RIMBP2: variants seen among roughly 807,000 people sequenced by gnomAD.
The protein encoded by RIMBP2 is RIMS binding protein 2.
Under a neutral mutation model 118.6 loss-of-function variants are expected in RIMBP2, and 48 were observed. The observed-to-expected ratio is 0.40, with a 90% CI of 0.32 to 0.51. The LOEUF is 0.51. Ranked by LOEUF, RIMBP2 falls within the 20% of genes least tolerant of loss-of-function variation. The pLI, the probability that RIMBP2 is intolerant of heterozygous loss-of-function variation, is 0.41. For missense variants in RIMBP2, 1,551 were observed against 1,768.3 expected, an observed-to-expected ratio of 0.88 and a Z score of 2.20; for synonymous variants, 762 against 742.9, an observed-to-expected ratio of 1.03 and a Z score of -0.42.
intron 2 of RIMBP2, among the ~76,000 whole-genome samples, chr12:130,527,074 C>T (rs1485359474): frequency 1.3e-5 from 2 of 152,122 alleles, no homozygotes; most frequent in African/African-American, 4.8e-5. Context: ...AGGCCGAGGG[C>T]AGTCAGCTAA....
At chr12:130,407,315 A>C (rs564205904) in intron 20 of RIMBP2, among the ~76,000 whole-genome samples, 24 of 152,278 alleles carry the variant, frequency 1.6e-4, no homozygotes, top group Non-Finnish European at 3.4e-4. Flanking sequence ...CAGGCGACAC[A>C]ACCTCACCTA....
intron 21 of RIMBP2, among the ~76,000 whole-genome samples, chr12:130,403,762 A>G (rs186871335): frequency 2.1e-3 from 323 of 152,350 alleles, no homozygotes; most frequent in Non-Finnish European, 3.7e-3. Flanking sequence ...AGGTATTCCA[A>G]TGAATACAGA....
intron 4 of RIMBP2, among the ~76,000 whole-genome samples, chr12:130,490,865 A>G (rs1440695319): frequency 6.6e-6 from 1 of 152,226 alleles, no homozygotes; most frequent in Admixed American, 6.5e-5. Context: ...GAACTCAGCC[A>G]CACCATAAAA....
chr12:130,519,165 T>G (rs886209408), intron 2 of RIMBP2, among the ~76,000 whole-genome samples: 5 of 152,238 alleles, frequency 3.3e-5, no homozygotes, highest in Admixed American at 2.6e-4. Context: ...TTCATCTCTG[T>G]TACAATATTT....
At chr12:130,494,159 T>A (rs1043209381) in intron 4 of RIMBP2, among the ~76,000 whole-genome samples, 1 of 152,098 alleles carries the variant, frequency 6.6e-6, no homozygotes, top group Admixed American at 6.5e-5. Context: ...TCATTCTGTA[T>A]CACTGCGCTG....
At chr12:130,558,177 T>A (rs2056526348) in intron 2 of RIMBP2, among the ~76,000 whole-genome samples, 1 of 152,152 alleles carries the variant, frequency 6.6e-6, no homozygotes, top group South Asian at 2.1e-4. Context: ...GCAGGCTGAC[T>A]TTTCCTGGGG....
chr12:130,407,349 C>T (rs2075274532), intron 20 of RIMBP2, among the ~76,000 whole-genome samples: 1 of 152,226 alleles, frequency 6.6e-6, no homozygotes, highest in African/African-American at 2.4e-5. Flanking sequence ...CTCTACTGTT[C>T]TATGTGTGGG....
At chr12:130,567,525 G>A (rs1206610421) in intron 2 of RIMBP2, among the ~76,000 whole-genome samples, 1 of 152,218 alleles carries the variant, frequency 6.6e-6, no homozygotes, top group African/African-American at 2.4e-5. Flanking sequence ...ACTAGAGGGA[G>A]ACAGAACGGG....
At chr12:130,654,701 A>G (rs531621476) in intron 1 of RIMBP2, among the ~76,000 whole-genome samples, 1 of 152,360 alleles carries the variant, frequency 6.6e-6, no homozygotes, top group East Asian at 1.9e-4. Context: ...ATAAAGAAAT[A>G]CTGAGGCTGG....
chr12:130,548,649 C>T lies in RIMBP2; in HGVS notation c.-216-30732G>A, dbSNP rs147712607. On this transcript the variant is annotated intron_variant, in intron 2 of 22. Coordinates refer to ENST00000690449, the MANE Select transcript of RIMBP2 (RefSeq NM_001393629.1). Reference sequence around the variant, plus strand: ...AGTGCAGTGGCATAATCTGGGCTCACTGCAACCTCCACCTCCCGGGTTCAA... The same window carrying T: ...AGTGCAGTGGCATAATCTGGGCTCATTGCAACCTCCACCTCCCGGGTTCAA... 4.7e-3 allele frequency among the ~76,000 whole-genome samples: 709 copies of T among 152,230 alleles called. 1 individual carries two copies. Among genetic ancestry groups the T allele is most frequent in the African/African-American group, 0.016 (681 of 41,532 alleles).
Position 130,554,886 on chromosome 12 carries a change from T to A in RIMBP2, c.-216-36969A>T, listed in dbSNP as rs550227357. On this transcript the variant is annotated intron_variant, in intron 2 of 22. Coordinates refer to ENST00000690449, the MANE Select transcript of RIMBP2 (RefSeq NM_001393629.1). ...AACTATGAAGCAGGTGCCATCATTA[T>A]TTCCATTTTATGGAGAGAAAAGAGA... 2.6e-5 allele frequency among the ~76,000 whole-genome samples: 4 copies of A among 152,260 alleles called. No homozygotes were observed. In the South Asian group the frequency reaches 8.3e-4, roughly 32 times the overall value.
chr12:130,696,675 A>G (rs1034243332), intron 1 of RIMBP2, among the ~76,000 whole-genome samples: 1 of 152,266 alleles, frequency 6.6e-6, no homozygotes, highest in Non-Finnish European at 1.5e-5. Flanking sequence ...AGAAATATCA[A>G]GTCCAACTAA....
rs558569462 is a variant in RIMBP2 at position 130,536,567 on chromosome 12, A to G, written c.-216-18650T>C. 2.6e-5 allele frequency among the ~76,000 whole-genome samples: 4 copies of G among 152,308 alleles called. No individual in the cohort carries two copies. In the South Asian group the frequency reaches 8.3e-4, roughly 32 times the overall value. Reference sequence around the variant, plus strand: ...ATAGTCAACCCCTGGGCACTTACAGATTGGCCGACTTCTGCAATAATCTAT... The same window carrying G: ...ATAGTCAACCCCTGGGCACTTACAGGTTGGCCGACTTCTGCAATAATCTAT... On this transcript the variant is annotated intron_variant, in intron 2 of 22. Coordinates refer to ENST00000690449, the MANE Select transcript of RIMBP2 (RefSeq NM_001393629.1).
At chr12:130,545,771 G>A (rs969975864) in intron 2 of RIMBP2, among the ~76,000 whole-genome samples, 4 of 152,162 alleles carry the variant, frequency 2.6e-5, no homozygotes, top group Admixed American at 1.3e-4. Context: ...CTCCATCTCC[G>A]CCAGCCATCA....
intron 1 of RIMBP2, among the ~76,000 whole-genome samples, chr12:130,653,988 C>T (rs968086505): frequency 6.6e-6 from 1 of 152,176 alleles, no homozygotes; most frequent in African/African-American, 2.4e-5. Context: ...ATGGGAGGGG[C>T]TGCCTAAAAG....
At position 130,647,432 on chromosome 12, in the gene RIMBP2, T is replaced by G. The variant is rs2063041263; in HGVS notation, c.-351-18976A>C. On this transcript the variant is annotated intron_variant, in intron 1 of 22. Coordinates refer to ENST00000690449, the MANE Select transcript of RIMBP2 (RefSeq NM_001393629.1). ...AGCCAAGGGAGTTAGAGTCAGGAGA[T>G]GTTTGCTTCCCTATAGAAGCTAAAG... is the stretch of plus-strand genomic sequence containing the variant. Among the ~76,000 whole-genome samples, 2 of 146,000 alleles carry G rather than the reference T, an allele frequency of 1.4e-5. 1 individual carries two copies. The highest frequency in any genetic ancestry group is 1.4e-4 in the Admixed American group (2 of 14,464).
Position 130,535,475 on chromosome 12 carries a change from C to T in RIMBP2, c.-216-17558G>A, listed in dbSNP as rs55775637. Among the ~76,000 whole-genome samples the T allele has an allele frequency of 4.3e-3, 649 of 152,114 alleles. 6 individuals carry two copies. The highest frequency in any genetic ancestry group is 0.015 in the African/African-American group (631 of 41,510). On this transcript the variant is annotated intron_variant, in intron 2 of 22. Transcript: ENST00000690449. ...GCTGCAGTGAGCCAAGATCATGCCT[C>T]TGCACTTCAGCCTGGGCAAGCAACA... is the stretch of plus-strand genomic sequence containing the variant.
chr12:130,534,069 A>C (rs2053756210), intron 2 of RIMBP2, among the ~76,000 whole-genome samples: 1 of 151,570 alleles, frequency 6.6e-6, no homozygotes, highest in African/African-American at 2.4e-5. Context: ...TGGAGGCTGA[A>C]GCAGGATAAT....
At chr12:130,715,040 A>T (rs1387239910) in intron 1 of RIMBP2, among the ~76,000 whole-genome samples, 1 of 152,072 alleles carries the variant, frequency 6.6e-6, no homozygotes, top group African/African-American at 2.4e-5. Context: ...GGCCTGCCGC[A>T]GGGCCCAGAG....
Sources: gnomAD v4.1 joint callset for allele counts (sites outside exome capture counted in the v4.1 genomes callset) on GRCh38, gnomAD v4.1.1 for gene constraint, MANE v1.5 for transcripts, NCBI Gene and HGNC (gene_info 2026-07-23, HGNC 2026-07-21) for gene names.